The following KCNIP4 variants were observed in gnomAD, a reference collection of about 807,000 sequenced individuals.
The protein encoded by KCNIP4 is potassium voltage-gated channel interacting protein 4, also known as Kv channel-interacting protein 4.
In KCNIP4, 12 loss-of-function variants were observed where a neutral mutation model predicts 34.0. The ratio of observed to expected loss-of-function variants is 0.35; its 90% CI spans 0.23 to 0.57. The LOEUF (loss-of-function observed/expected upper bound fraction) is 0.57. Ranked by LOEUF, KCNIP4 falls within the 20% of genes least tolerant of loss-of-function variation. The probability of loss-of-function intolerance (pLI) is 0.83; values close to 1 mark genes in which losing one functional copy is unlikely to be tolerated. For synonymous variants in KCNIP4, 124 were observed against 102.2 expected (o/e 1.21, Z -1.29); for missense variants, 238 against 311.7 (o/e 0.76, Z 1.78).
At chr4:20,908,037 T>C (rs1179476356) in intron 1 of KCNIP4, among the ~76,000 whole-genome samples, 1 of 151,666 alleles carries the variant, frequency 6.6e-6, no homozygotes, top group Non-Finnish European at 1.5e-5. Context: ...GAGGTATTAA[T>C]CTAATTAACC....
chr4:21,437,593 T>C (rs1261604332), intron 1 of KCNIP4, among the ~76,000 whole-genome samples: 1 of 152,208 alleles, frequency 6.6e-6, no homozygotes, highest in South Asian at 2.1e-4. Flanking sequence ...GTGCAACTTA[T>C]ATTTACCGAA....
chr4:21,205,250 G>A (rs1247544284), intron 1 of KCNIP4, among the ~76,000 whole-genome samples: 1 of 152,182 alleles, frequency 6.6e-6, no homozygotes, highest in Non-Finnish European at 1.5e-5. Flanking sequence ...GCATGAATAT[G>A]TCTGTGTTGA....
rs894265609 is a variant in KCNIP4 at position 20,728,966 on chromosome 4, T to G, written c.*1116A>C. ...TGATGAGCTAAATCATACTGTAATC[T>G]GGATTAGTTGTTGAGCACTTATTTT... On this transcript the variant is annotated 3_prime_UTR_variant, in exon 9 of 9. Transcript: ENST00000382152. 6.6e-6 allele frequency: 1 copy of G among 152,238 alleles called. No homozygotes were observed. The highest frequency in any genetic ancestry group is 1.5e-5 in the Non-Finnish European group (1 of 68,042). The allele number at this position is 152,238 out of a possible 1,614,324, so 9.4% of individuals were successfully genotyped here.
chr4:21,491,526 T>C (rs1455388618), intron 1 of KCNIP4, among the ~76,000 whole-genome samples: 2 of 152,092 alleles, frequency 1.3e-5, no homozygotes, highest in African/African-American at 4.8e-5. Context: ...AAGTGTGTGC[T>C]ACCATGCTGG....
At chr4:21,318,843 T>C (rs966007791) in intron 1 of KCNIP4, among the ~76,000 whole-genome samples, 2 of 152,084 alleles carry the variant, frequency 1.3e-5, no homozygotes, top group African/African-American at 4.8e-5. Flanking sequence ...TCCTGGACAT[T>C]AGAAACATGA....
At chr4:21,471,052 C>T in intron 1 of KCNIP4, among the ~76,000 whole-genome samples, 1 of 152,078 alleles carries the variant, frequency 6.6e-6, no homozygotes, top group Non-Finnish European at 1.5e-5. Flanking sequence ...ACAAAATAGG[C>T]ATATCTAGGG....
intron 1 of KCNIP4, among the ~76,000 whole-genome samples, chr4:21,051,708 A>G (rs1405153402): frequency 6.6e-6 from 1 of 152,200 alleles, no homozygotes; most frequent in Non-Finnish European, 1.5e-5. Context: ...TAAATAAAAT[A>G]TTGAGCTTCT....
rs532689444 is a variant in KCNIP4, at chr4:21,221,674, C to T, written c.62-338965G>A. Among the ~76,000 whole-genome samples, 18 of 152,202 alleles carry T rather than the reference C, an allele frequency of 1.2e-4. No homozygotes were observed. The East Asian group carries it at 3.5e-3, about 29-fold the overall frequency. On this transcript the variant is annotated intron_variant, in intron 1 of 8. Coordinates refer to ENST00000382152, the MANE Select transcript of KCNIP4 (RefSeq NM_025221.6). ...TGATATTCGGGTGGGGACACAAAGC[C>T]TAACCATATCAGAGCATCATTTTGG...
At chr4:20,950,851 T>C (rs1732708707) in intron 1 of KCNIP4, among the ~76,000 whole-genome samples, 1 of 152,166 alleles carries the variant, frequency 6.6e-6, no homozygotes, top group Admixed American at 6.6e-5. Flanking sequence ...GTGCACTCTC[T>C]GCTGTTTTTG....
At chr4:21,381,525 A>C (rs1257898054) in intron 1 of KCNIP4, among the ~76,000 whole-genome samples, 1 of 152,212 alleles carries the variant, frequency 6.6e-6, no homozygotes, top group Non-Finnish European at 1.5e-5. Flanking sequence ...CTTTCAAGTT[A>C]TGTTGAATGT....
chr4:21,035,759 T>G (rs1741392543), intron 1 of KCNIP4, among the ~76,000 whole-genome samples: 1 of 152,204 alleles, frequency 6.6e-6, no homozygotes. Context: ...CATTTTCTAG[T>G]GCCTTTTGCT....
At chr4:21,654,509 T>TA (rs1456752566) in intron 1 of KCNIP4, among the ~76,000 whole-genome samples, 3 of 152,096 alleles carry the variant, frequency 2.0e-5, no homozygotes, top group Non-Finnish European at 4.4e-5. Context: ...TTTTTTTTTT[T>TA]ATCTAAAGAT....
intron 1 of KCNIP4, among the ~76,000 whole-genome samples, chr4:21,350,306 A>G (rs1717882916): frequency 6.6e-6 from 1 of 152,232 alleles, no homozygotes. Flanking sequence ...AAGATGAGGA[A>G]TCTCTTGGCA....
At chr4:21,835,937 G>T (rs1281704677) in intron 1 of KCNIP4, among the ~76,000 whole-genome samples, 4 of 152,140 alleles carry the variant, frequency 2.6e-5, no homozygotes, top group African/African-American at 9.7e-5. Flanking sequence ...AATACATTCA[G>T]TATGACTCAA....
At chr4:21,322,392 A>T (rs1215899209) in intron 1 of KCNIP4, among the ~76,000 whole-genome samples, 1 of 152,114 alleles carries the variant, frequency 6.6e-6, no homozygotes, top group African/African-American at 2.4e-5. Flanking sequence ...TTGCAAAGCC[A>T]TTACTCCTAT....
At chr4:21,613,037 C>T (rs773579835) in intron 1 of KCNIP4, among the ~76,000 whole-genome samples, 24 of 152,132 alleles carry the variant, frequency 1.6e-4, no homozygotes, top group Non-Finnish European at 2.9e-4. Flanking sequence ...ACCCTGGTTT[C>T]ATCAGTCTAA....
At chr4:21,258,433 C>G (rs947757010) in intron 1 of KCNIP4, among the ~76,000 whole-genome samples, 2 of 152,094 alleles carry the variant, frequency 1.3e-5, no homozygotes, top group Non-Finnish European at 2.9e-5. Flanking sequence ...GTGACCCCGA[C>G]CTTTTCTTTA....
In KCNIP4 at chr4:21,732,957, T is replaced by C. The variant is rs145197640; in HGVS notation, c.61+215614A>G. ...TAACCAAAATTACTTAAAAAGTATATTGATATTAAAGATAACATGTTTTAA... is the reference window on the plus strand; with the variant it reads ...TAACCAAAATTACTTAAAAAGTATACTGATATTAAAGATAACATGTTTTAA... On this transcript the variant is annotated intron_variant, in intron 1 of 8. Coordinates refer to ENST00000382152, the MANE Select transcript of KCNIP4 (RefSeq NM_025221.6). Among the ~76,000 whole-genome samples, 242 of 152,322 alleles carry C rather than the reference T, an allele frequency of 1.6e-3. 5 individuals are homozygous for C. The East Asian group carries it at 0.043, about 27-fold the overall frequency.
chr4:20,763,167 T>G (rs1248029733), intron 3 of KCNIP4, among the ~76,000 whole-genome samples: 1 of 152,142 alleles, frequency 6.6e-6, no homozygotes, highest in African/African-American at 2.4e-5. Flanking sequence ...ACATCACCAG[T>G]TGAACATACC....
Sources: gnomAD v4.1 joint callset for allele counts (sites outside exome capture counted in the v4.1 genomes callset) on GRCh38, gnomAD v4.1.1 for gene constraint, MANE v1.5 for transcripts, NCBI Gene and HGNC (gene_info 2026-07-23, HGNC 2026-07-21) for gene names.